PATZ1: variants seen among roughly 807,000 people sequenced by gnomAD.
PATZ1 encodes the protein POZ/BTB and AT hook containing zinc finger 1, also known as POZ-, AT hook-, and zinc finger-containing protein 1.
In PATZ1, 9 loss-of-function variants were observed where a neutral mutation model predicts 46.2. That is an observed-to-expected ratio of 0.19 (90% CI 0.12 to 0.34). PATZ1 has a LOEUF of 0.34. Ranked by LOEUF, PATZ1 falls within the 10% of genes least tolerant of loss-of-function variation. The probability of loss-of-function intolerance (pLI) is 1.00; values close to 1 mark genes in which losing one functional copy is unlikely to be tolerated. For synonymous variants in PATZ1, 426 were observed against 378.6 expected, an observed-to-expected ratio of 1.13 and a Z score of -1.45; for missense variants, 632 against 923.0, an observed-to-expected ratio of 0.68 and a Z score of 4.08.
chr22:31,343,087 C>A, intron 1 of PATZ1, 127 bp from the exon 2 acceptor site: 1 of 1,477,172 alleles, frequency 6.8e-7, no homozygotes, highest in East Asian at 2.5e-5. Flanking sequence ...TCCCCAACCC[C>A]AGCATGACAA....
At chr22:31,333,975 T>C (rs60805616) in intron 3 of PATZ1, among the ~76,000 whole-genome samples, 1 of 152,298 alleles carries the variant, frequency 6.6e-6, no homozygotes, top group African/African-American at 2.4e-5. Flanking sequence ...TACTCCACCA[T>C]CTGGTCTGGG....
chr22:31,326,689 CTGCAGAA>C lies in PATZ1; in HGVS notation c.*195_*201del. On this transcript the variant is annotated 3_prime_UTR_variant, in exon 5 of 5. Transcript: ENST00000266269. ...CCCATACCAAGTCTCATTGATATTTCTGCAGAATATCAGATGAAAATCTATTTCTAAA... is the reference window on the plus strand; with the variant it reads ...CCCATACCAAGTCTCATTGATATTTCTATCAGATGAAAATCTATTTCTAAA... 1 of 572,302 alleles carries C rather than the reference CTGCAGAA, an allele frequency of 1.7e-6. No individual in the cohort carries two copies. The highest frequency in any genetic ancestry group is 2.3e-5 in the South Asian group (1 of 43,790). The allele number at this position is 572,302 out of a possible 1,614,324, so 35.5% of individuals were successfully genotyped here. A position where few individuals can be genotyped will look rare whatever the true frequency, so the allele number is the denominator to read the frequency against.
Position 31,344,871 on chromosome 22 carries a change from G to C in PATZ1, c.732C>G (p.Pro244=), listed in dbSNP as rs1259555239. 4 of 1,613,000 alleles carry C rather than the reference G, an allele frequency of 2.5e-6. No homozygotes were observed. Among genetic ancestry groups the C allele is most frequent in the African/African-American group, 1.3e-5 (1 of 75,072 alleles). The stretch of plus-strand genomic sequence containing the variant: ...TGGGGAATGGGGAAGTCAGCAGTTG[G>C]GGGGATAGGGGTCCAGCCACCATGG... ...RLPMVAGPLS[P]QLLTSPFPSV... Residue 244 remains proline, a synonymous_variant, in exon 1 of 5, where the codon CCC becomes CCG. Coordinates refer to ENST00000266269, the MANE Select transcript of PATZ1 (RefSeq NM_014323.3).
At chr22:31,336,650 T>C (rs1054834208) in intron 2 of PATZ1, among the ~76,000 whole-genome samples, 2 of 150,444 alleles carry the variant, frequency 1.3e-5, no homozygotes, top group African/African-American at 2.5e-5. Flanking sequence ...ATTAAAAATA[T>C]AAAAAATTAG....
intron 2 of PATZ1, among the ~76,000 whole-genome samples, chr22:31,336,885 G>A (rs866482622): frequency 9.9e-5 from 15 of 151,444 alleles, no homozygotes; most frequent in East Asian, 3.9e-4. Flanking sequence ...TGAGGCGGGC[G>A]GATCACGAAG....
At chr22:31,342,233 A>C (rs932961765) in intron 2 of PATZ1, among the ~76,000 whole-genome samples, 1 of 152,132 alleles carries the variant, frequency 6.6e-6, no homozygotes, top group Non-Finnish European at 1.5e-5. Flanking sequence ...CAAGCAGGTA[A>C]ACCAAGGGTG....
chr22:31,330,323 G>T (rs1228728654), intron 3 of PATZ1, among the ~76,000 whole-genome samples: 1 of 152,110 alleles, frequency 6.6e-6, no homozygotes, highest in African/African-American at 2.4e-5. Context: ...TGTGAGGTTA[G>T]GGAGGCTGAG....
rs181241947 is a variant in PATZ1 at position 31,327,892 on chromosome 22, A to C, written c.1646-583T>G. On this transcript the variant is annotated intron_variant, in intron 4 of 4. Transcript: ENST00000266269. The surrounding 1 kb of genome is among the most constrained non-coding windows in gnomAD (Gnocchi z 4.2). ...GCCTTCCTTCTGCCAAAACCTTTTC[A>C]GGGCCAAGCAGCCCAAGCACAGAGA... is the stretch of plus-strand genomic sequence containing the variant. 6.6e-6 allele frequency among the ~76,000 whole-genome samples: 1 copy of C among 152,254 alleles called. No homozygotes were observed. Among genetic ancestry groups the C allele is most frequent in the East Asian group, 1.9e-4 (1 of 5,172 alleles).
At chr22:31,342,510 A>C (rs1212215816) in intron 2 of PATZ1, among the ~76,000 whole-genome samples, 1 of 152,138 alleles carries the variant, frequency 6.6e-6, no homozygotes, top group Non-Finnish European at 1.5e-5. Flanking sequence ...TTTTAAAAAA[A>C]CCTGCAGTCC....
chr22:31,333,476 C>CTTTTTTTTTTTTTTTTTT (rs71319182), intron 3 of PATZ1, among the ~76,000 whole-genome samples: 1 of 128,738 alleles, frequency 7.8e-6, no homozygotes, highest in African/African-American at 2.9e-5. Context: ...TATCCTCTTC[C>CTTTTTTTTTTTTTTTTTT]TTTTTTTTTT....
Position 31,328,093 on chromosome 22 carries a change from G to C in PATZ1, c.1645+694C>G, listed in dbSNP as rs2049390271. ...AGCCATGCCGGGAAGGGAGGTCTGT[G>C]ATGGGAGCATGGAGCATGCCATCTC... On this transcript the variant is annotated intron_variant, in intron 4 of 4. Coordinates refer to ENST00000266269, the MANE Select transcript of PATZ1 (RefSeq NM_014323.3). This position sits in a 1 kb window ranked among gnomAD's most constrained non-coding sequence, Gnocchi z 4.8. Among the ~76,000 whole-genome samples, 1 of 152,176 alleles carries C rather than the reference G, an allele frequency of 6.6e-6. No individual in the cohort carries two copies. The highest frequency in any genetic ancestry group is 2.1e-4 in the South Asian group (1 of 4,828).
In PATZ1 at chr22:31,346,069, G is replaced by A; in HGVS notation, c.-467C>T. The stretch of plus-strand genomic sequence containing the variant: ...GGCTTTTCCCGGGCCCGCTGGGGGC[G>A]CGCGCTGCGTCCCCTGCAAAGCGCG... On this transcript the variant is annotated 5_prime_UTR_variant, in exon 1 of 5. Coordinates refer to ENST00000266269, the MANE Select transcript of PATZ1 (RefSeq NM_014323.3). The A allele has an allele frequency of 6.3e-6, 1 of 159,790 alleles. No individual in the cohort carries two copies. The highest frequency in any genetic ancestry group is 1.4e-5 in the Non-Finnish European group (1 of 72,650). 9.9% of individuals were successfully genotyped at this position (159,790 alleles called of 1,614,324 possible).
chr22:31,341,959 C>T (rs1055804431), intron 2 of PATZ1, among the ~76,000 whole-genome samples: 10 of 152,192 alleles, frequency 6.6e-5, no homozygotes, highest in African/African-American at 1.9e-4. Flanking sequence ...GCCCTACTTA[C>T]GGCACATTCA....
chr22:31,343,084 C>G (rs944206424), intron 1 of PATZ1, 124 bp from the exon 2 acceptor site: 2 of 1,485,316 alleles, frequency 1.3e-6, no homozygotes, highest in African/African-American at 2.8e-5. Flanking sequence ...CTCTCCCCAA[C>G]CCCAGCATGA....
At position 31,345,664 on chromosome 22, in the gene PATZ1, G is replaced by A. The variant is rs2049645387; in HGVS notation, c.-62C>T. 1 of 1,460,082 alleles carries A rather than the reference G, an allele frequency of 6.8e-7. No individual in the cohort carries two copies. The highest frequency in any genetic ancestry group is 9.2e-7 in the Non-Finnish European group (1 of 1,091,006). 90.4% of individuals were successfully genotyped at this position (1,460,082 alleles called of 1,614,324 possible). On this transcript the variant is annotated 5_prime_UTR_variant, in exon 1 of 5. Transcript: ENST00000266269. This position sits in a 1 kb window ranked among gnomAD's most constrained non-coding sequence, Gnocchi z 7.4. ...CTGCCCGCCCCCTCCCTTCCCCTCA[G>A]CAGCGAGAAGCGGGGCGCAGCAGAC...
intron 3 of PATZ1, among the ~76,000 whole-genome samples, chr22:31,330,644 T>C (rs2049429939): frequency 6.6e-6 from 1 of 152,216 alleles, no homozygotes; most frequent in South Asian, 2.1e-4. Context: ...CACTTATGCC[T>C]CATGTTCCAT....
At chr22:31,343,514 T>G (rs1294524837) in intron 1 of PATZ1, 1 of 852,252 alleles carries the variant, frequency 1.2e-6, no homozygotes, top group African/African-American at 1.8e-5. Context: ...CCGGTAAGAC[T>G]GGTTCCTGGT....
In PATZ1 at chr22:31,327,137, T is replaced by C. The variant is rs1444228353; in HGVS notation, c.1818A>G (p.Pro606=). 4 of 1,614,112 alleles carry C rather than the reference T, an allele frequency of 2.5e-6. No individual in the cohort carries two copies. In the East Asian group the frequency reaches 8.9e-5, roughly 36 times the overall value. ...KMESDGEKKY[P]CPECGSFFRS... ...GGAAGAAGCTCCCACATTCAGGGCA[T>C]GGGTACTTCTTCTCCCCATCAGACT... Residue 606 remains proline (P), a synonymous_variant, in exon 5 of 5, where the codon CCA becomes CCG. Coordinates refer to ENST00000266269, the MANE Select transcript of PATZ1 (RefSeq NM_014323.3). This position sits in a 1 kb window ranked among gnomAD's most constrained non-coding sequence, Gnocchi z 4.2.
intron 3 of PATZ1, chr22:31,335,477 C>G (rs2049497592): frequency 1.9e-6 from 1 of 533,064 alleles, no homozygotes; most frequent in African/African-American, 1.9e-5. Context: ...ACCTGCTGGT[C>G]TCCTGGGACT....
Sources: allele counts gnomAD v4.1 joint callset (sites outside exome capture counted in the v4.1 genomes callset), GRCh38; gene constraint gnomAD v4.1.1; non-coding constraint Gnocchi (gnomAD v3.1); transcripts MANE v1.5; gene names NCBI Gene and HGNC (gene_info 2026-07-23, HGNC 2026-07-21).